The following PGBD5 variants were observed in gnomAD, a reference collection of about 807,000 sequenced individuals.
PGBD5 encodes the protein piggyBac transposable element derived 5.
A neutral mutation model predicts 47.9 loss-of-function variants in PGBD5; 14 were observed. The observed-to-expected ratio is 0.29, with a 90% CI of 0.19 to 0.46. The LOEUF (loss-of-function observed/expected upper bound fraction) is 0.46. PGBD5 is among the 20% of genes least tolerant of loss of function. PGBD5 has a pLI of 1.00. For synonymous variants in PGBD5, 316 were observed against 306.3 expected (o/e 1.03, Z -0.33); for missense variants, 635 against 716.0 (o/e 0.89, Z 1.29).
chr1:230,386,532 G>A (rs1210703513), intron 1 of PGBD5, among the ~76,000 whole-genome samples: 4 of 152,168 alleles, frequency 2.6e-5, no homozygotes, highest in Non-Finnish European at 5.9e-5. Context: ...TACTGGGAGT[G>A]CCCATTTTCC....
intron 1 of PGBD5, among the ~76,000 whole-genome samples, chr1:230,371,537 C>T (rs758110772): frequency 4.6e-5 from 7 of 152,314 alleles, no homozygotes; most frequent in South Asian, 4.2e-4. Flanking sequence ...AAAGAGCAGA[C>T]GAGCATAAAC....
intron 1 of PGBD5, among the ~76,000 whole-genome samples, chr1:230,412,113 A>G (rs1353982589): frequency 6.6e-6 from 1 of 152,140 alleles, no homozygotes; most frequent in Non-Finnish European, 1.5e-5. Context: ...AAGGGAGGGA[A>G]ATTCCAACAA....
chr1:230,332,869 G>C lies in PGBD5; in HGVS notation c.1248C>G (p.Thr416=), dbSNP rs1351835528. Residue 416 remains threonine (T), a synonymous_variant, in exon 5 of 7, where the codon ACC becomes ACG. Transcript: ENST00000391860. ...CCTGCTGCACCGGGGAGTAGGCGTT[G>C]GTCAGGAAGCGGAAGTGTCCTTTGT... ...WYNKGHFRFL[T]NAYSPVQQGV... The C allele has an allele frequency of 6.2e-7, 1 of 1,614,110 alleles. No individual in the cohort carries two copies. Among genetic ancestry groups the C allele is most frequent in the African/African-American group, 1.3e-5 (1 of 74,938 alleles).
chr1:230,352,127 C>T (rs1667568534), intron 2 of PGBD5, among the ~76,000 whole-genome samples: 1 of 152,190 alleles, frequency 6.6e-6, no homozygotes, highest in African/African-American at 2.4e-5. Flanking sequence ...ACTGCCTAGT[C>T]TGGCCCACGT....
intron 5 of PGBD5, among the ~76,000 whole-genome samples, chr1:230,331,327 ATT>A (rs1229136520): frequency 6.6e-6 from 1 of 152,060 alleles, no homozygotes; most frequent in African/African-American, 2.4e-5. Flanking sequence ...GAGGTGGGAG[ATT>A]TGTTTGTGCT....
chr1:230,364,105 T>C (rs1335372596), intron 1 of PGBD5, among the ~76,000 whole-genome samples: 1 of 152,232 alleles, frequency 6.6e-6, no homozygotes, highest in Non-Finnish European at 1.5e-5. Flanking sequence ...CTTTTTCCCT[T>C]GCTCAATCTC....
Position 230,370,181 on chromosome 1 carries a change from C to T in PGBD5, c.332-12860G>A, listed in dbSNP as rs751865279. 2.7e-4 allele frequency among the ~76,000 whole-genome samples: 41 copies of T among 152,202 alleles called. 1 individual carries two copies. Among genetic ancestry groups the T allele is most frequent in the African/African-American group, 9.7e-4 (40 of 41,440 alleles). On this transcript the variant is annotated intron_variant, in intron 1 of 6. Transcript: ENST00000391860. ...GCTCTGCGTTCCCCTCCAGCCACTG[C>T]AGTCAAGACAGGGCAGGGCGCTACC...
At chr1:230,348,099 C>T (rs777841045) in intron 3 of PGBD5, among the ~76,000 whole-genome samples, 10 of 152,194 alleles carry the variant, frequency 6.6e-5, no homozygotes, top group Non-Finnish European at 1.0e-4. Context: ...ACCCTTAATA[C>T]GGTCAGCTGC....
In PGBD5 at chr1:230,359,355, C is replaced by T. The variant is rs180829041; in HGVS notation, c.332-2034G>A. 1.3e-4 allele frequency among the ~76,000 whole-genome samples: 20 copies of T among 152,310 alleles called. No individual in the cohort carries two copies. In the East Asian group the frequency reaches 2.3e-3, roughly 18 times the overall value. On this transcript the variant is annotated intron_variant, in intron 1 of 6. Coordinates refer to ENST00000391860, the MANE Select transcript of PGBD5 (RefSeq NM_001258311.2). ...CTGGGATTACAGGTGTGAGCCACCG[C>T]GCCCGGCCTGTGTATCGATTGCTAA...
intron 1 of PGBD5, among the ~76,000 whole-genome samples, chr1:230,371,393 G>A (rs1435385611): frequency 4.6e-5 from 7 of 152,130 alleles, no homozygotes; most frequent in Admixed American, 1.3e-4. Context: ...CCAGTTTCTG[G>A]CCAGTGGAAG....
At chr1:230,401,557 A>G (rs1412391931) in intron 1 of PGBD5, among the ~76,000 whole-genome samples, 1 of 152,202 alleles carries the variant, frequency 6.6e-6, no homozygotes, top group African/African-American at 2.4e-5. Flanking sequence ...CAAGACCCAG[A>G]AGGAAAAAAT....
intron 1 of PGBD5, among the ~76,000 whole-genome samples, chr1:230,372,406 C>T (rs1259120035): frequency 6.6e-6 from 1 of 152,188 alleles, no homozygotes; most frequent in Non-Finnish European, 1.5e-5. Context: ...TAGAGTGAAA[C>T]ATCAAAAGTG....
At position 230,357,607 on chromosome 1, in the gene PGBD5, C is replaced by T. The variant is rs115949842; in HGVS notation, c.332-286G>A. 0.027 allele frequency among the ~76,000 whole-genome samples: 4,166 copies of T among 152,210 alleles called. 134 individuals are homozygous for T. The highest frequency in any genetic ancestry group is 0.082 in the African/African-American group (3,425 of 41,522). On this transcript the variant is annotated intron_variant, in intron 1 of 6. Coordinates refer to ENST00000391860, the MANE Select transcript of PGBD5 (RefSeq NM_001258311.2). The surrounding 1 kb of genome is among the most constrained non-coding windows in gnomAD (Gnocchi z 5.7). ...CACAGGAACAAACAGCCCTGACACCCGGAGTGCAAGCTGCAGCCTGCATCT... is the reference window on the plus strand; with the variant it reads ...CACAGGAACAAACAGCCCTGACACCTGGAGTGCAAGCTGCAGCCTGCATCT...
chr1:230,351,172 G>A, intron 2 of PGBD5, 80 bp from the exon 3 acceptor site: 6 of 1,450,712 alleles, frequency 4.1e-6, no homozygotes, highest in Non-Finnish European at 5.5e-6. Context: ...CTCAAATTCA[G>A]CCTCTGCATT....
intron 1 of PGBD5, among the ~76,000 whole-genome samples, chr1:230,396,572 CT>C (rs1656985308): frequency 4.2e-5 from 6 of 143,938 alleles, no homozygotes; most frequent in Non-Finnish European, 7.6e-5. Flanking sequence ...CCCCCTCCCC[CT>C]GCATTCATCT....
intron 2 of PGBD5, 46 bp from the exon 3 acceptor site, chr1:230,351,138 G>A: frequency 6.4e-7 from 1 of 1,571,620 alleles, no homozygotes; most frequent in East Asian, 2.3e-5. Context: ...GGCAGCATGA[G>A]CTTGAGGGCT....
At chr1:230,331,140 T>C (rs957722812) in intron 5 of PGBD5, among the ~76,000 whole-genome samples, 1 of 152,150 alleles carries the variant, frequency 6.6e-6, no homozygotes, top group Non-Finnish European at 1.5e-5. Context: ...GGGCTGGGCA[T>C]GGTGGCTCAT....
intron 1 of PGBD5, among the ~76,000 whole-genome samples, chr1:230,359,091 A>C (rs1207949703): frequency 1.3e-5 from 2 of 150,596 alleles, no homozygotes; most frequent in African/African-American, 2.4e-5. Context: ...TTTGAGATGG[A>C]GTCTCTGTCA....
At chr1:230,383,433 C>T (rs12755388) in intron 1 of PGBD5, among the ~76,000 whole-genome samples, 42,107 of 151,878 alleles carry the variant, frequency 0.28, 7,071 homozygotes, top group Non-Finnish European at 0.37. Flanking sequence ...GGTGCAAACA[C>T]GCATCACTGC....
Sources: allele counts gnomAD v4.1 joint callset (sites outside exome capture counted in the v4.1 genomes callset), GRCh38; gene constraint gnomAD v4.1.1; non-coding constraint Gnocchi (gnomAD v3.1); transcripts MANE v1.5; gene names NCBI Gene and HGNC (gene_info 2026-07-23, HGNC 2026-07-21).